SLC39A5: variants seen among roughly 807,000 people sequenced by gnomAD.
SLC39A5 encodes the protein zinc transporter ZIP5.
In SLC39A5, 42 loss-of-function variants were observed where a neutral mutation model predicts 46.9. The observed-to-expected ratio is 0.90, with a 90% confidence interval of 0.70 to 1.16. The LOEUF (loss-of-function observed/expected upper bound fraction) is 1.16. Among genes scored for constraint, SLC39A5 ranks in the 50% most tolerant of loss-of-function variants. The probability of loss-of-function intolerance (pLI) is 0.00; values close to 1 mark genes in which losing one functional copy is unlikely to be tolerated. For synonymous variants in SLC39A5, 311 were observed against 323.1 expected, an observed-to-expected ratio of 0.96 and a Z score of 0.40; for missense variants, 677 against 686.8, an observed-to-expected ratio of 0.99 and a Z score of 0.16.
intron 10 of SLC39A5, 49 bp downstream of exon 10, chr12:56,236,795 C>A: frequency 6.3e-7 from 1 of 1,576,994 alleles, no homozygotes; most frequent in Admixed American, 1.8e-5. Flanking sequence ...GAGGCCAGGG[C>A]TCCTAGTTAT....
chr12:56,232,315 AC>A (rs1284119713), intron 4 of SLC39A5, among the ~76,000 whole-genome samples: 1 of 150,536 alleles, frequency 6.6e-6, no homozygotes, highest in Non-Finnish European at 1.5e-5. Context: ...ACAGGCACAC[AC>A]CACCACGCCG....
rs904602132 is a variant in SLC39A5, at chr12:56,231,361, G to A, written c.87G>A (p.Leu29=). The A allele has an allele frequency of 5.6e-6, 9 of 1,613,878 alleles. No homozygotes were observed. Among genetic ancestry groups the A allele is most frequent in the Non-Finnish European group, 7.6e-6 (9 of 1,180,014 alleles). The change falls in exon 4 of 13, where the codon CTG becomes CTA. Residue 29 remains leucine, a synonymous_variant. Transcript: ENST00000454355. The part of the protein sequence containing the change: ...LGWVGGSVPN[L]GPAEQEQNHY... ...GGGTAGGGGGCTCAGTCCCCAACCT[G>A]GGCCCTGCTGAGCAGGAGCAGAACC...
rs199552441 is a variant in SLC39A5, at chr12:56,235,577, C to T, written c.822C>T (p.His274=). Residue 274 remains histidine (H), a synonymous_variant, in exon 8 of 13, where the codon CAC becomes CAT. Transcript: ENST00000454355. ...HLLPHAQEGR[H]AGPGGLPEKD... ...TCTGTCAGGCACAAGAAGGGCGGCA[C>T]GCAGGACCTGGCGGACTACCAGAGA... is the stretch of plus-strand genomic sequence containing the variant. 33 of 1,613,942 alleles carry T rather than the reference C, an allele frequency of 2.0e-5. No homozygotes were observed. The highest frequency in any genetic ancestry group is 4.4e-5 in the South Asian group (4 of 91,088).
Position 56,237,002 on chromosome 12 carries a change from C to T in SLC39A5, c.1279C>T (p.His427Tyr). 6.2e-7 allele frequency: 1 copy of T among 1,614,102 alleles called. No homozygotes were observed. The highest frequency in any genetic ancestry group is 8.5e-7 in the Non-Finnish European group (1 of 1,179,978). The change falls in exon 11 of 13, where the codon CAC becomes TAC. Residue 427 changes from histidine to tyrosine, a missense_variant. His to Tyr is a moderately conservative substitution (Grantham distance 83, BLOSUM62 2). Transcript: ENST00000454355. ...AGCGGTCTTCTGCCATGAGCTGCCC[C>T]ACGAACTGGGTAGGAATGGCAGGAG... ...TLAVFCHELP[H>Y]ELGDFAMLLQ... is the part of the protein sequence containing the mutation.
rs760283041 is a variant in SLC39A5 at position 56,234,892 on chromosome 12, G to A, written c.540G>A (p.Gln180=). ...LSPAAPLTPR[Q]FALLCPALLY... is the part of the protein sequence containing the mutation. ...CCGCTGCTCCTCTGACCCCTCGTCAGTTTGCTCTGCTGTGCCCAGCCCTGC... is the reference window on the plus strand; with the variant it reads ...CCGCTGCTCCTCTGACCCCTCGTCAATTTGCTCTGCTGTGCCCAGCCCTGC... Residue 180 remains glutamine (Q), a synonymous_variant, in exon 6 of 13, where the codon CAG becomes CAA. Coordinates refer to ENST00000454355, the MANE Select transcript of SLC39A5 (RefSeq NM_173596.3). The A allele has an allele frequency of 3.1e-6, 5 of 1,613,796 alleles. No individual in the cohort carries two copies. The African/African-American group carries it at 6.7e-5, about 22-fold the overall frequency.
chr12:56,232,789 C>G lies in SLC39A5; in HGVS notation c.388C>G (p.Arg130Gly), dbSNP rs76909887. Residue 130 changes from arginine to glycine, a missense_variant, in exon 5 of 13, where the codon CGT becomes GGT. By Grantham distance (125) the Arg-to-Gly change is moderately radical. Transcript: ENST00000454355. ...AGAGTCAAAGGCCCCTCACCTACCCCGTGGGCCAGCCCCCTCGGGCCTGGA... is the reference window on the plus strand; with the variant it reads ...AGAGTCAAAGGCCCCTCACCTACCCGGTGGGCCAGCCCCCTCGGGCCTGGA... ...LEESKAPHLP[R>G]GPAPSGLDLL... 14 of 1,612,572 alleles carry G rather than the reference C, an allele frequency of 8.7e-6. No individual in the cohort carries two copies. Among genetic ancestry groups the G allele is most frequent in the Non-Finnish European group, 1.2e-5 (14 of 1,179,496 alleles).
Position 56,235,552 on chromosome 12 carries a change from T to G in SLC39A5, c.805-8T>G. The G allele has an allele frequency of 6.2e-7, 1 of 1,613,026 alleles. No individual in the cohort carries two copies. The highest frequency in any genetic ancestry group is 8.5e-7 in the Non-Finnish European group (1 of 1,179,724). On this transcript the variant is annotated splice_region_variant and splice_polypyrimidine_tract_variant and intron_variant, in intron 7 of 12. Transcript: ENST00000454355. ...TTCCAGAGTCTGCCCTGACCTTCTC[T>G]CTGTCAGGCACAAGAAGGGCGGCAC... is the stretch of plus-strand genomic sequence containing the variant.
In SLC39A5 at chr12:56,232,464, C is replaced by G. The variant is rs565346006; in HGVS notation, c.288-225C>G. Among the ~76,000 whole-genome samples, 14 of 152,192 alleles carry G rather than the reference C, an allele frequency of 9.2e-5. No individual in the cohort carries two copies. In the East Asian group the frequency reaches 2.7e-3, roughly 29 times the overall value. ...TACAGGCGTGAGCCACCGTGCCCAG[C>G]CATTCGTAGCCCTTTTGGTTGTCGT... On this transcript the variant is annotated intron_variant, in intron 4 of 12. Coordinates refer to ENST00000454355, the MANE Select transcript of SLC39A5 (RefSeq NM_173596.3).
chr12:56,233,872 T>C (rs1447908525), intron 5 of SLC39A5, among the ~76,000 whole-genome samples: 1 of 152,156 alleles, frequency 6.6e-6, no homozygotes, highest in Admixed American at 6.5e-5. Context: ...CTTTTAAGAT[T>C]CTGGCATGGA....
Position 56,236,487 on chromosome 12 carries a change from C to T in SLC39A5, c.1037C>T (p.Ala346Val), listed in dbSNP as rs143285853. The change falls in exon 9 of 13, where the codon GCT becomes GTT. Residue 346 changes from alanine (A) to valine (V), a missense_variant. By Grantham distance (64) the Ala-to-Val change is moderately conservative (BLOSUM62 0). Coordinates refer to ENST00000454355, the MANE Select transcript of SLC39A5 (RefSeq NM_173596.3). Reference protein sequence around the residue: ...SGMALQPLQAAPEPGAQGQRE... With the variant: ...SGMALQPLQAVPEPGAQGQRE... ...ATGGCCCTTCAGCCCCTACAGGCAG[C>T]TCCAGGTGACTAGAGGAGAAAATTT... 425 of 1,614,128 alleles carry T rather than the reference C, an allele frequency of 2.6e-4. No homozygotes were observed. The highest frequency in any genetic ancestry group is 3.4e-4 in the Non-Finnish European group (405 of 1,180,050).
chr12:56,232,724 C>A lies in SLC39A5; in HGVS notation c.323C>A (p.Ala108Glu). 1.2e-6 allele frequency: 2 copies of A among 1,610,972 alleles called. No individual in the cohort carries two copies. The change falls in exon 5 of 13, where the codon GCA becomes GAA. Residue 108 changes from alanine to glutamate, a missense_variant. Transcript: ENST00000454355. ...CCTGAGCTGAGTGTGGATGTCTGGG[C>A]AGGGATGCCTCTGGGTCCCTCAGGG... ...QNPELSVDVW[A>E]GMPLGPSGWG...
Position 56,232,733 on chromosome 12 carries a change from C to T in SLC39A5, c.332C>T (p.Pro111Leu). The part of the protein sequence containing the change: ...ELSVDVWAGM[P>L]LGPSGWGDLE... ...AGTGTGGATGTCTGGGCAGGGATGC[C>T]TCTGGGTCCCTCAGGGTGGGGTGAC... Residue 111 changes from proline (P) to leucine (L), a missense_variant, in exon 5 of 13, where the codon CCT becomes CTT. Physicochemically the swap from Pro to Leu is moderately conservative, Grantham distance 98. Coordinates refer to ENST00000454355, the MANE Select transcript of SLC39A5 (RefSeq NM_173596.3). The T allele has an allele frequency of 6.2e-7, 1 of 1,612,106 alleles. No individual in the cohort carries two copies. The highest frequency in any genetic ancestry group is 8.5e-7 in the Non-Finnish European group (1 of 1,179,260).
chr12:56,235,173 CCTGG>C lies in SLC39A5; in HGVS notation c.653_656del (p.Leu218GlnfsTer184). ...TCTCCCCAGCCCTGCTTCAGAGTGCCCTGGCAGTCCTGTTGCTCAGCCTCCCTTC... is the reference window on the plus strand; with the variant it reads ...TCTCCCCAGCCCTGCTTCAGAGTGCCCAGTCCTGTTGCTCAGCCTCCCTTC... On this transcript the variant is annotated frameshift_variant, in exon 7 of 13. Coordinates refer to ENST00000454355, the MANE Select transcript of SLC39A5 (RefSeq NM_173596.3). LOFTEE classifies it high-confidence loss of function. 1 of 1,549,706 alleles carries C rather than the reference CCTGG, an allele frequency of 6.5e-7. No individual in the cohort carries two copies.
rs760302256 is a variant in SLC39A5, at chr12:56,236,569, C to T, written c.1043-13C>T. Reference sequence around the variant, plus strand: ...TTGCAGCCACCAACACTGTCCTGTGCTTCTTCCCGCAGAGCCAGGGGCTCA... The same window carrying T: ...TTGCAGCCACCAACACTGTCCTGTGTTTCTTCCCGCAGAGCCAGGGGCTCA... On this transcript the variant is annotated splice_polypyrimidine_tract_variant and intron_variant, in intron 9 of 12. Coordinates refer to ENST00000454355, the MANE Select transcript of SLC39A5 (RefSeq NM_173596.3). The T allele has an allele frequency of 8.7e-6, 14 of 1,612,900 alleles. No homozygotes were observed. Among genetic ancestry groups the T allele is most frequent in the Non-Finnish European group, 1.1e-5 (13 of 1,179,190 alleles).
chr12:56,235,033 G>C, intron 6 of SLC39A5, 47 bp downstream of exon 6: 1 of 1,607,060 alleles, frequency 6.2e-7, no homozygotes, highest in Non-Finnish European at 8.5e-7. Context: ...CCTGGAAGTG[G>C]GGCCCATGCC....
At chr12:56,235,108 G>A (rs780951291) in intron 6 of SLC39A5, 49 bp from the exon 7 acceptor site, 12 of 1,555,708 alleles carry the variant, frequency 7.7e-6, no homozygotes, top group African/African-American at 1.4e-5. Flanking sequence ...CCTTACGTGT[G>A]GGACCCTCCT....
At chr12:56,233,406 C>T (rs890465230) in intron 5 of SLC39A5, among the ~76,000 whole-genome samples, 2 of 150,680 alleles carry the variant, frequency 1.3e-5, no homozygotes, top group Non-Finnish European at 2.9e-5. Flanking sequence ...GCCGAGATTG[C>T]ACCACTGCAC....
At chr12:56,233,266 A>C (rs1359545317) in intron 5 of SLC39A5, among the ~76,000 whole-genome samples, 49 of 23,082 alleles carry the variant, frequency 2.1e-3, no homozygotes, top group African/African-American at 5.1e-3. Flanking sequence ...CTCTGTCTCA[A>C]AAAAAAAAAA....
Position 56,235,145 on chromosome 12 carries a change from G to A in SLC39A5, c.635-12G>A, listed in dbSNP as rs1208789483. On this transcript the variant is annotated splice_polypyrimidine_tract_variant and intron_variant, in intron 6 of 12. Coordinates refer to ENST00000454355, the MANE Select transcript of SLC39A5 (RefSeq NM_173596.3). ...TTGCCCTGACCTAACTTCAGCCCCT[G>A]ATTCTCCCCAGCCCTGCTTCAGAGT... 4 of 1,543,048 alleles carry A rather than the reference G, an allele frequency of 2.6e-6. No homozygotes were observed. The highest frequency in any genetic ancestry group is 2.6e-6 in the Non-Finnish European group (3 of 1,145,344).
Sources: allele counts gnomAD v4.1 joint callset (sites outside exome capture counted in the v4.1 genomes callset), GRCh38; gene constraint gnomAD v4.1.1; transcripts MANE v1.5; gene names NCBI Gene and HGNC (gene_info 2026-07-23, HGNC 2026-07-21).